PLA2R1: variants seen among roughly 807,000 people sequenced by gnomAD.
PLA2R1 encodes phospholipase A2 receptor 1, also known as secretory phospholipase A2 receptor.
PLA2R1 carries 158 observed loss-of-function variants against 195.9 expected under a neutral mutation model. The ratio of observed to expected loss-of-function variants is 0.81; its 90% CI spans 0.71 to 0.92. PLA2R1 has a LOEUF of 0.92. Among genes scored for constraint, PLA2R1 ranks in the 40% least tolerant of loss-of-function variants. The probability of loss-of-function intolerance (pLI) is 0.00; values close to 1 mark genes in which losing one functional copy is unlikely to be tolerated. For missense variants in PLA2R1, 1,626 were observed against 1,764.6 expected (o/e 0.92, Z 1.41); for synonymous variants, 586 against 598.2 (o/e 0.98, Z 0.30).
intron 13 of PLA2R1, among the ~76,000 whole-genome samples, chr2:159,982,462 T>C (rs1690018343): frequency 6.6e-6 from 1 of 152,182 alleles, no homozygotes; most frequent in African/African-American, 2.4e-5. Context: ...TCAATAAGTG[T>C]TCTTAAAAAA....
intron 1 of PLA2R1, among the ~76,000 whole-genome samples, chr2:160,045,787 C>G (rs1015375405): frequency 2.6e-5 from 4 of 152,144 alleles, no homozygotes; most frequent in Non-Finnish European, 5.9e-5. Context: ...AGATGGCTTG[C>G]TGGGTGGGGC....
At chr2:160,046,090 T>C (rs1159943257) in intron 1 of PLA2R1, among the ~76,000 whole-genome samples, 3 of 152,234 alleles carry the variant, frequency 2.0e-5, no homozygotes, top group Admixed American at 2.0e-4. Flanking sequence ...TACTCAACAG[T>C]TATGAACTTG....
chr2:160,061,836 TG>T (rs1344455333), intron 1 of PLA2R1, among the ~76,000 whole-genome samples: 4 of 152,060 alleles, frequency 2.6e-5, no homozygotes, highest in Admixed American at 2.6e-4. Flanking sequence ...AGGCCTGGCT[TG>T]GGGGTCACTC....
chr2:159,958,666 C>T (rs1688253863), intron 20 of PLA2R1, among the ~76,000 whole-genome samples: 1 of 152,152 alleles, frequency 6.6e-6, no homozygotes, highest in Non-Finnish European at 1.5e-5. Context: ...ATGACATTGT[C>T]AGTCATTCTA....
chr2:160,004,053 G>C (rs1331201687), intron 11 of PLA2R1, among the ~76,000 whole-genome samples: 1 of 152,180 alleles, frequency 6.6e-6, no homozygotes, highest in African/African-American at 2.4e-5. Flanking sequence ...AACACCAGCA[G>C]GATCATACCA....
intron 12 of PLA2R1, 108 bp downstream of exon 12, chr2:159,987,048 A>T: frequency 1.3e-6 from 1 of 747,374 alleles, no homozygotes; most frequent in Non-Finnish European, 2.3e-6. Flanking sequence ...TCTGTCAGGC[A>T]CTGTTCTGGA....
At position 160,058,295 on chromosome 2, in the gene PLA2R1, T is replaced by C. The variant is rs373845633; in HGVS notation, c.109+4000A>G. Among the ~76,000 whole-genome samples the C allele has an allele frequency of 2.6e-5, 4 of 152,216 alleles. 1 individual carries two copies. The highest frequency in any genetic ancestry group is 9.6e-5 in the African/African-American group (4 of 41,536). The stretch of plus-strand genomic sequence containing the variant: ...GAGAGACACCCCGTACACCCAACCC[T>C]GTTTCACTTTCTTCTCCCCAGATAG... On this transcript the variant is annotated intron_variant, in intron 1 of 29. Transcript: ENST00000283243.
chr2:160,037,940 T>C (rs1433126133), intron 3 of PLA2R1, among the ~76,000 whole-genome samples: 1 of 152,228 alleles, frequency 6.6e-6, no homozygotes, highest in Non-Finnish European at 1.5e-5. Context: ...GCAGGCACTA[T>C]GACTTTCACA....
intron 12 of PLA2R1, among the ~76,000 whole-genome samples, 154 bp downstream of exon 12, chr2:159,987,002 A>AT (rs1690391857): frequency 1.3e-5 from 2 of 152,188 alleles, no homozygotes; most frequent in African/African-American, 2.4e-5. Flanking sequence ...TTGAAAGGAT[A>AT]GAGACAGGCA....
At chr2:159,958,962 C>T (rs1490454143) in intron 20 of PLA2R1, among the ~76,000 whole-genome samples, 1 of 152,178 alleles carries the variant, frequency 6.6e-6, no homozygotes, top group Non-Finnish European at 1.5e-5. Context: ...TTTTCCACTA[C>T]TCTTAGGATA....
chr2:159,979,044 C>A (rs80100598), intron 14 of PLA2R1, among the ~76,000 whole-genome samples: 1 of 152,310 alleles, frequency 6.6e-6, no homozygotes, highest in East Asian at 1.9e-4. Context: ...GGAGTGCATT[C>A]AGCTCAGCGC....
At position 159,976,068 on chromosome 2, in the gene PLA2R1, C is replaced by A. The variant is rs543739690; in HGVS notation, c.2595G>T (p.Ala865=). ...EQEFIHSKIK[A]LSKYGASWWI... is the part of the protein sequence containing the mutation. ...TTCGTGGTGAGTTATGTTCAAGTAC[C>A]GCTTTTATTTTGCTGTGGATGAATT... The change falls in exon 17 of 30, where the codon GCG becomes GCT. Residue 865 remains alanine (A), a splice_region_variant and synonymous_variant. Coordinates refer to ENST00000283243, the MANE Select transcript of PLA2R1 (RefSeq NM_007366.5). 1 of 1,611,046 alleles carries A rather than the reference C, an allele frequency of 6.2e-7. No homozygotes were observed. The highest frequency in any genetic ancestry group is 1.1e-5 in the South Asian group (1 of 90,654).
At chr2:159,960,105 C>A (rs937656320) in intron 20 of PLA2R1, among the ~76,000 whole-genome samples, 8 of 152,176 alleles carry the variant, frequency 5.3e-5, no homozygotes, top group Non-Finnish European at 8.8e-5. Flanking sequence ...CTTTCCACTT[C>A]TTTTGTCTCA....
downstream of PLA2R1, among the ~76,000 whole-genome samples, chr2:159,928,342 G>A (rs965164461): frequency 2.0e-5 from 3 of 152,270 alleles, no homozygotes; most frequent in East Asian, 3.9e-4. Context: ...CAATGTTCCA[G>A]AGCTGCCACT....
At chr2:159,981,297 A>G (rs1246182378) in intron 13 of PLA2R1, among the ~76,000 whole-genome samples, 6 of 149,182 alleles carry the variant, frequency 4.0e-5, no homozygotes, top group Non-Finnish European at 7.4e-5. Context: ...GAAAAGCAGC[A>G]TACCTGTTAT....
downstream of PLA2R1, among the ~76,000 whole-genome samples, chr2:159,930,236 G>A (rs1268403724): frequency 2.0e-5 from 3 of 152,078 alleles, no homozygotes; most frequent in Non-Finnish European, 4.4e-5. Flanking sequence ...GTGAAACCCC[G>A]TCTCTACTAA....
At chr2:159,928,731 G>A (rs969062699), downstream of PLA2R1, among the ~76,000 whole-genome samples, 14 of 152,276 alleles carry the variant, frequency 9.2e-5, no homozygotes, top group East Asian at 2.5e-3. Context: ...AAATCTGGAA[G>A]CATCACATTA....
At position 159,933,450 on chromosome 2, in the gene PLA2R1, A is replaced by C. The variant is rs1278597296; in HGVS notation, c.*8328T>G. The C allele has an allele frequency of 1.3e-5, 2 of 150,316 alleles. No individual in the cohort carries two copies. 9.3% of individuals were successfully genotyped at this position (150,316 alleles called of 1,614,324 possible). Reference sequence around the variant, plus strand: ...AGCTGTTTATCTAACATTTCCTACAATTTAATACATATCACTTATCTTGTT... The same window carrying C: ...AGCTGTTTATCTAACATTTCCTACACTTTAATACATATCACTTATCTTGTT... On this transcript the variant is annotated 3_prime_UTR_variant, in exon 30 of 30. Transcript: ENST00000283243.
intron 20 of PLA2R1, among the ~76,000 whole-genome samples, chr2:159,959,147 C>T (rs943430676): frequency 6.6e-6 from 1 of 152,150 alleles, no homozygotes; most frequent in Non-Finnish European, 1.5e-5. Context: ...CATTTTGCCT[C>T]TTTCCTCTAA....
Sources: gnomAD v4.1 joint callset for allele counts (sites outside exome capture counted in the v4.1 genomes callset) on GRCh38, gnomAD v4.1.1 for gene constraint, MANE v1.5 for transcripts, NCBI Gene and HGNC (gene_info 2026-07-23, HGNC 2026-07-21) for gene names.